Variants in TRAPPC12 observed in about 807,000 individuals in gnomAD.
TRAPPC12 encodes the protein trafficking protein particle complex subunit 12, also known as TPR repeat protein 15.
A neutral mutation model predicts 69.2 loss-of-function variants in TRAPPC12; 61 were observed. That is an observed-to-expected ratio of 0.88 (90% CI 0.72 to 1.09). The LOEUF (loss-of-function observed/expected upper bound fraction) is 1.09, where lower values mean the gene tolerates loss of function less well. TRAPPC12 is among the 50% of genes least tolerant of loss of function. TRAPPC12 has a pLI of 0.00. For synonymous variants in TRAPPC12, 469 were observed against 438.9 expected (o/e 1.07, Z -0.86); for missense variants, 1,101 against 1,016.4 (o/e 1.08, Z -1.13).
chr2:3,392,691 G>T (rs1660890817), intron 2 of TRAPPC12, among the ~76,000 whole-genome samples: 1 of 152,266 alleles, frequency 6.6e-6, no homozygotes, highest in African/African-American at 2.4e-5. Flanking sequence ...GACAGCAAGA[G>T]TTGGTGAGGG....
intron 7 of TRAPPC12, among the ~76,000 whole-genome samples, chr2:3,458,640 C>T (rs1665312639): frequency 6.6e-6 from 1 of 152,160 alleles, no homozygotes; most frequent in African/African-American, 2.4e-5. Flanking sequence ...GGTAGAGTAA[C>T]AAGGTCTGAA....
intron 9 of TRAPPC12, among the ~76,000 whole-genome samples, chr2:3,468,668 CCA>C (rs1455804000): frequency 2.0e-5 from 3 of 152,168 alleles, no homozygotes; most frequent in Non-Finnish European, 4.4e-5. Context: ...CTTGGAAGCC[CCA>C]CTCCCACGGC....
intron 5 of TRAPPC12, among the ~76,000 whole-genome samples, chr2:3,441,592 A>G (rs1001542814): frequency 2.0e-5 from 3 of 149,386 alleles, no homozygotes; most frequent in Middle Eastern, 6.4e-3. Context: ...TTTCAGTTTC[A>G]CTGATTTCTG....
Position 3,479,558 on chromosome 2 carries a change from C to T in TRAPPC12, c.*97C>T. On this transcript the variant is annotated 3_prime_UTR_variant, in exon 12 of 12. Transcript: ENST00000324266. The stretch of plus-strand genomic sequence containing the variant: ...GACATGGAGGAACTCAATAAAACTC[C>T]TGCTTCACTGGTGTCTGCTGCGTGT... 1.4e-6 allele frequency: 2 copies of T among 1,453,672 alleles called. No homozygotes were observed. The highest frequency in any genetic ancestry group is 1.9e-6 in the Non-Finnish European group (2 of 1,067,430). 90.0% of individuals were successfully genotyped at this position (1,453,672 alleles called of 1,614,324 possible). A position where few individuals can be genotyped will look rare whatever the true frequency, so the allele number is the denominator to read the frequency against.
intron 3 of TRAPPC12, among the ~76,000 whole-genome samples, chr2:3,420,073 A>G (rs1662690073): frequency 6.6e-6 from 1 of 152,196 alleles, no homozygotes; most frequent in Non-Finnish European, 1.5e-5. Flanking sequence ...CTGCCCAAAG[A>G]TGTTGATACC....
At chr2:3,450,353 A>C (rs1664786532) in intron 6 of TRAPPC12, among the ~76,000 whole-genome samples, 1 of 152,138 alleles carries the variant, frequency 6.6e-6, no homozygotes, top group African/African-American at 2.4e-5. Flanking sequence ...AGAAAGAAGA[A>C]AGTGTATTTT....
chr2:3,466,060 C>T (rs1261863169), intron 9 of TRAPPC12, among the ~76,000 whole-genome samples: 2 of 152,218 alleles, frequency 1.3e-5, no homozygotes, highest in Non-Finnish European at 2.9e-5. Context: ...CCTGAAATAA[C>T]CCTTGAATCA....
chr2:3,467,335 G>A (rs969077904), intron 9 of TRAPPC12: 15 of 152,248 alleles, frequency 9.9e-5, no homozygotes, highest in African/African-American at 2.9e-4. Flanking sequence ...CAAGTGCCTC[G>A]ATCTGCATCT....
At chr2:3,410,737 A>G (rs755441562) in intron 3 of TRAPPC12, among the ~76,000 whole-genome samples, 5 of 152,226 alleles carry the variant, frequency 3.3e-5, no homozygotes, top group Non-Finnish European at 7.3e-5. Flanking sequence ...CATCAAATAG[A>G]TAACAAATTG....
intron 5 of TRAPPC12, among the ~76,000 whole-genome samples, chr2:3,432,646 C>T (rs549455754): frequency 1.3e-5 from 2 of 152,320 alleles, no homozygotes; most frequent in Admixed American, 6.5e-5. Context: ...GACATGTGAT[C>T]GCTGCTTTAT....
intron 4 of TRAPPC12, among the ~76,000 whole-genome samples, chr2:3,423,427 T>A (rs925329775): frequency 2.6e-5 from 4 of 152,096 alleles, no homozygotes; most frequent in African/African-American, 9.7e-5. Flanking sequence ...CTACAATAGA[T>A]CTCTTGAGCT....
chr2:3,470,520 T>C (rs558010342), intron 9 of TRAPPC12, among the ~76,000 whole-genome samples: 26 of 152,368 alleles, frequency 1.7e-4, no homozygotes, highest in East Asian at 9.6e-4. Context: ...AACAGACCAA[T>C]CCTGCCTCCA....
At chr2:3,461,542 C>T (rs978018734) in intron 8 of TRAPPC12, among the ~76,000 whole-genome samples, 1 of 152,228 alleles carries the variant, frequency 6.6e-6, no homozygotes, top group Non-Finnish European at 1.5e-5. Flanking sequence ...TCTCTGAAAT[C>T]CCTCCCAGCT....
intron 10 of TRAPPC12, 190 bp from the exon 11 acceptor site, chr2:3,478,656 C>G: frequency 7.2e-6 from 4 of 552,358 alleles, no homozygotes; most frequent in South Asian, 2.5e-5. Context: ...TAAATAAAAA[C>G]TAGAGTGGCT....
At position 3,397,885 on chromosome 2, in the gene TRAPPC12, C is replaced by G. The variant is rs548836940; in HGVS notation, c.1048-3892C>G. Among the ~76,000 whole-genome samples, 5 of 152,314 alleles carry G rather than the reference C, an allele frequency of 3.3e-5. No individual in the cohort carries two copies. In the South Asian group the frequency reaches 1.0e-3, roughly 32 times the overall value. On this transcript the variant is annotated intron_variant, in intron 2 of 11. Coordinates refer to ENST00000324266, the MANE Select transcript of TRAPPC12 (RefSeq NM_016030.6). ...GCCTTAACCTCCTTGATGTCCCAAA[C>G]CCTGCTTGGGATTCTCCTCCTGCAA...
At chr2:3,478,719 C>T in intron 10 of TRAPPC12, 127 bp from the exon 11 acceptor site, 1 of 727,364 alleles carries the variant, frequency 1.4e-6, no homozygotes, top group Non-Finnish European at 2.3e-6. Context: ...ACCTGGAGAT[C>T]AGGAACCCCG....
At chr2:3,450,724 C>T (rs933645170) in intron 6 of TRAPPC12, among the ~76,000 whole-genome samples, 1 of 152,170 alleles carries the variant, frequency 6.6e-6, no homozygotes, top group Non-Finnish European at 1.5e-5. Flanking sequence ...AAATCTAAGT[C>T]TCTCCAGAAC....
chr2:3,418,038 C>CAAAAAAAA (rs1158063900), intron 3 of TRAPPC12, among the ~76,000 whole-genome samples: 2 of 70,228 alleles, frequency 2.8e-5, no homozygotes, highest in African/African-American at 1.1e-4. Flanking sequence ...GACTCTGTCT[C>CAAAAAAAA]AAAAAAAAAA....
intron 2 of TRAPPC12, among the ~76,000 whole-genome samples, chr2:3,391,183 G>A (rs1223887086): frequency 6.6e-6 from 1 of 152,044 alleles, no homozygotes; most frequent in East Asian, 1.9e-4. Flanking sequence ...TGTACATGAC[G>A]GGGCGCCCCA....
Sources: allele counts gnomAD v4.1 joint callset (sites outside exome capture counted in the v4.1 genomes callset), GRCh38; gene constraint gnomAD v4.1.1; transcripts MANE v1.5; gene names NCBI Gene and HGNC (gene_info 2026-07-23, HGNC 2026-07-21).